Variants in CTNNA2 observed in about 807,000 individuals in gnomAD.
CTNNA2 encodes the protein catenin alpha-2.
In CTNNA2, 42 loss-of-function variants were observed where a neutral mutation model predicts 101.0. That is an observed-to-expected ratio of 0.42 (90% CI 0.32 to 0.54). CTNNA2 has a LOEUF of 0.54. Ranked by LOEUF, CTNNA2 falls within the 20% of genes least tolerant of loss-of-function variation. CTNNA2 has a pLI of 0.14. For synonymous variants in CTNNA2, 450 were observed against 456.4 expected, an observed-to-expected ratio of 0.99 and a Z score of 0.18; for missense variants, 871 against 1,223.1, an observed-to-expected ratio of 0.71 and a Z score of 4.29.
chr2:80,109,520 C>A (rs1701086101), intron 7 of CTNNA2, among the ~76,000 whole-genome samples: 1 of 152,158 alleles, frequency 6.6e-6, no homozygotes, highest in Non-Finnish European at 1.5e-5. Flanking sequence ...AGGATAGCCT[C>A]TGTCATACAG....
intron 7 of CTNNA2, among the ~76,000 whole-genome samples, chr2:80,284,046 G>A (rs923136087): frequency 1.3e-5 from 2 of 152,112 alleles, no homozygotes; most frequent in Non-Finnish European, 2.9e-5. Flanking sequence ...CAATCCAAGT[G>A]GAAGAGATTC....
intron 2 of CTNNA2, among the ~76,000 whole-genome samples, chr2:79,263,402 C>T (rs1674948131): frequency 6.6e-6 from 1 of 152,104 alleles, no homozygotes; most frequent in Admixed American, 6.6e-5. Flanking sequence ...CCCTCTCTGG[C>T]CATGTGATAT....
At chr2:80,579,711 G>T (rs907118595) in intron 13 of CTNNA2, among the ~76,000 whole-genome samples, 1 of 152,202 alleles carries the variant, frequency 6.6e-6, no homozygotes, top group East Asian at 1.9e-4. Flanking sequence ...GGAAAAACAA[G>T]AGTGATATGC....
intron 2 of CTNNA2, among the ~76,000 whole-genome samples, chr2:79,670,408 G>T (rs1364625998): frequency 6.6e-6 from 1 of 152,206 alleles, no homozygotes; most frequent in Non-Finnish European, 1.5e-5. Context: ...TGGGTCTGCA[G>T]TTGCGATTTG....
At chr2:79,878,205 C>T (rs1390889205) in intron 6 of CTNNA2, among the ~76,000 whole-genome samples, 1 of 152,176 alleles carries the variant, frequency 6.6e-6, no homozygotes, top group Non-Finnish European at 1.5e-5. Flanking sequence ...TTTTCTTTAT[C>T]CAGTCTATCA....
rs1679868292 is a variant in CTNNA2, at chr2:79,842,150, T to A, written c.299-15863T>A. On this transcript the variant is annotated intron_variant, in intron 3 of 18. Transcript: ENST00000402739. ...ACAAAGTAATTATAAACATATACAT[T>A]TGGCATTGGTGTTTTAACTATGTCT... is the stretch of plus-strand genomic sequence containing the variant. 2.0e-5 allele frequency among the ~76,000 whole-genome samples: 3 copies of A among 152,224 alleles called. No individual in the cohort carries two copies. The South Asian group carries it at 6.2e-4, about 31-fold the overall frequency.
At chr2:80,278,443 G>C (rs183088835) in intron 7 of CTNNA2, among the ~76,000 whole-genome samples, 2 of 152,246 alleles carry the variant, frequency 1.3e-5, no homozygotes, top group East Asian at 3.9e-4. Flanking sequence ...CCCATGGTCT[G>C]GTGGTTGATT....
chr2:79,528,252 T>C (rs1005549129), intron 1 of CTNNA2, among the ~76,000 whole-genome samples: 1 of 151,942 alleles, frequency 6.6e-6, no homozygotes, highest in Non-Finnish European at 1.5e-5. Flanking sequence ...CTCACTGTGT[T>C]GCCCAGGTTA....
chr2:80,182,795 A>G (rs771840343), intron 7 of CTNNA2, among the ~76,000 whole-genome samples: 36 of 152,164 alleles, frequency 2.4e-4, no homozygotes, highest in Non-Finnish European at 4.6e-4. Context: ...CAGAAGCAGT[A>G]GTGAGTGAAA....
chr2:80,036,321 C>T (rs1212156571), intron 7 of CTNNA2, among the ~76,000 whole-genome samples: 1 of 152,138 alleles, frequency 6.6e-6, no homozygotes, highest in East Asian at 1.9e-4. Flanking sequence ...CAGACAGGTG[C>T]AGTTGCTCAC....
intron 2 of CTNNA2, among the ~76,000 whole-genome samples, chr2:79,704,018 T>C (rs1331688684): frequency 6.6e-6 from 1 of 152,144 alleles, no homozygotes; most frequent in Non-Finnish European, 1.5e-5. Flanking sequence ...GGCATATATA[T>C]TTAGTAGTAA....
At position 80,546,083 on chromosome 2, in the gene CTNNA2, C is replaced by G. The variant is rs1313170342; in HGVS notation, c.1540+20C>G. ...TCTCAGGTAATCATCACAAACAGGT[C>G]CCTTACAAGGCAGCTGGAGGAGGGT... On this transcript the variant is annotated intron_variant, in intron 11 of 18. Transcript: ENST00000402739. The G allele has an allele frequency of 1.2e-6, 2 of 1,612,296 alleles. No individual in the cohort carries two copies. The highest frequency in any genetic ancestry group is 1.7e-6 in the Non-Finnish European group (2 of 1,179,424).
intron 3 of CTNNA2, among the ~76,000 whole-genome samples, chr2:79,350,664 TG>T: frequency 6.6e-6 from 1 of 152,324 alleles, no homozygotes; most frequent in East Asian, 1.9e-4. Context: ...CTAGTGGGCT[TG>T]CTGGGTCAAA....
intron 15 of CTNNA2, among the ~76,000 whole-genome samples, chr2:80,601,421 C>CTTTTTTTTTTTTTTTTTTTTT (rs56921519): frequency 7.1e-5 from 6 of 84,396 alleles, no homozygotes; most frequent in Admixed American, 1.4e-4. Context: ...TTCTTTCTTT[C>CTTTTTTTTTTTTTTTTTTTTT]TTTTTTTTTT....
At chr2:79,850,254 T>TC (rs1680574439) in intron 3 of CTNNA2, among the ~76,000 whole-genome samples, 2 of 141,604 alleles carry the variant, frequency 1.4e-5, no homozygotes, top group Non-Finnish European at 3.1e-5. Context: ...TGTTTCTCTC[T>TC]CCCTCCCTTT....
At chr2:80,494,682 G>GCTCATATTAAGTATGTCTTATGTCTCTGT (rs774216303) in intron 9 of CTNNA2, among the ~76,000 whole-genome samples, 1 of 151,164 alleles carries the variant, frequency 6.6e-6, no homozygotes, top group African/African-American at 2.4e-5. Flanking sequence ...GCTAGACGAA[G>GCTCATATTAAGTATGTCTTATGTCTCTGT]GGACAGTTTA....
At chr2:80,096,391 T>C (rs1196315046) in intron 7 of CTNNA2, among the ~76,000 whole-genome samples, 1 of 152,220 alleles carries the variant, frequency 6.6e-6, no homozygotes, top group Non-Finnish European at 1.5e-5. Flanking sequence ...ATTTCTGTTC[T>C]TTTACATTTG....
At chr2:80,560,712 C>T (rs113139946) in intron 12 of CTNNA2, among the ~76,000 whole-genome samples, 1,778 of 152,218 alleles carry the variant, frequency 0.012, 26 homozygotes, top group Non-Finnish European at 0.015. Flanking sequence ...TATTGAGATT[C>T]ACCTTTAAAA....
At chr2:79,356,124 T>G (rs1677503679) in intron 3 of CTNNA2, among the ~76,000 whole-genome samples, 1 of 151,472 alleles carries the variant, frequency 6.6e-6, no homozygotes, top group South Asian at 2.1e-4. Context: ...AAAGTATATA[T>G]ACTTCCTTTT....
Sources: gnomAD v4.1 joint callset for allele counts (sites outside exome capture counted in the v4.1 genomes callset) on GRCh38, gnomAD v4.1.1 for gene constraint, MANE v1.5 for transcripts, NCBI Gene and HGNC (gene_info 2026-07-23, HGNC 2026-07-21) for gene names.